CPQ: variants seen among roughly 807,000 people sequenced by gnomAD.
CPQ encodes the protein Ser-Met dipeptidase.
In CPQ, 37 loss-of-function variants were observed where a neutral mutation model predicts 45.7. The observed-to-expected ratio is 0.81, with a 90% confidence interval of 0.62 to 1.07. CPQ has a LOEUF of 1.07. CPQ is among the 50% of genes least tolerant of loss of function. CPQ has a pLI of 0.00. For missense variants in CPQ, 537 were observed against 572.9 expected (o/e 0.94, Z 0.64); for synonymous variants, 186 against 205.8 (o/e 0.90, Z 0.82).
At chr8:96,814,501 G>C (rs1309271727) in intron 2 of CPQ, among the ~76,000 whole-genome samples, 1 of 152,146 alleles carries the variant, frequency 6.6e-6, no homozygotes, top group Non-Finnish European at 1.5e-5. Context: ...ATTTGCCTTG[G>C]AAAAATTTAT....
chr8:96,842,774 C>A (rs1446044217), intron 3 of CPQ, among the ~76,000 whole-genome samples: 1 of 152,196 alleles, frequency 6.6e-6, no homozygotes, highest in Non-Finnish European at 1.5e-5. Flanking sequence ...CTGGAGACTC[C>A]ATGCCTGTGT....
intron 1 of CPQ, among the ~76,000 whole-genome samples, chr8:96,771,108 T>C (rs967000728): frequency 6.8e-6 from 1 of 146,266 alleles, no homozygotes; most frequent in African/African-American, 2.5e-5. Context: ...TATATAAATA[T>C]ATATATTTAT....
chr8:96,963,491 G>C (rs571937262), intron 4 of CPQ, among the ~76,000 whole-genome samples: 1 of 152,306 alleles, frequency 6.6e-6, no homozygotes, highest in South Asian at 2.1e-4. Context: ...ATGTAAGTCA[G>C]TGGGAGATCG....
At chr8:96,819,208 T>G (rs1381310198) in intron 2 of CPQ, among the ~76,000 whole-genome samples, 1 of 106,954 alleles carries the variant, frequency 9.3e-6, no homozygotes, top group Non-Finnish European at 2.2e-5. Context: ...GGGGCTAATA[T>G]GAGGGAGCTT....
intron 1 of CPQ, among the ~76,000 whole-genome samples, chr8:96,687,193 CTCTTCTTTTCTTTTTTTCT>C (rs1809243086): frequency 6.6e-6 from 1 of 150,952 alleles, no homozygotes; most frequent in Non-Finnish European, 1.5e-5. Flanking sequence ...CTCTTCTCTT[CTCTTCTTTTCTTTTTTTCT>C]TTTTCTTTTT....
intron 1 of CPQ, among the ~76,000 whole-genome samples, chr8:96,777,230 G>C (rs1810616077): frequency 1.3e-5 from 2 of 152,240 alleles, no homozygotes; most frequent in Admixed American, 1.3e-4. Flanking sequence ...AAAATGACAA[G>C]TAGGTAGATG....
intron 3 of CPQ, among the ~76,000 whole-genome samples, chr8:96,854,136 G>A (rs1406240913): frequency 6.6e-6 from 1 of 152,142 alleles, no homozygotes; most frequent in Admixed American, 6.5e-5. Context: ...ACAAGAAAAC[G>A]GAAGTGTAAC....
At chr8:96,786,982 C>CT (rs903119935) in intron 2 of CPQ, among the ~76,000 whole-genome samples, 10 of 150,340 alleles carry the variant, frequency 6.7e-5, no homozygotes, top group South Asian at 4.2e-4. Flanking sequence ...ACTGTCTTTT[C>CT]TTTTTTTTTG....
Position 96,745,919 on chromosome 8 carries a change from C to T in CPQ, c.-34-38945C>T, listed in dbSNP as rs75180821. On this transcript the variant is annotated intron_variant, in intron 1 of 7. Coordinates refer to ENST00000220763, the MANE Select transcript of CPQ (RefSeq NM_016134.4). ...GTGGGAAGTTGTACTTTAGAACAGA[C>T]GCTTGGATTAGATGGTCATTAATTA... Among the ~76,000 whole-genome samples the T allele has an allele frequency of 3.9e-3, 593 of 152,258 alleles. 6 individuals are homozygous for T. The highest frequency in any genetic ancestry group is 0.038 in the East Asian group (195 of 5,178).
chr8:97,084,865 G>A (rs953650848), intron 7 of CPQ, among the ~76,000 whole-genome samples: 7 of 151,358 alleles, frequency 4.6e-5, no homozygotes, highest in African/African-American at 1.7e-4. Context: ...CACCAAAGAA[G>A]AACCACACCA....
intron 7 of CPQ, among the ~76,000 whole-genome samples, chr8:97,074,164 A>G (rs1563573232): frequency 6.6e-6 from 1 of 152,202 alleles, no homozygotes; most frequent in African/African-American, 2.4e-5. Context: ...TAAAGCACAC[A>G]CTTTAACTTT....
Position 96,937,448 on chromosome 8 carries a change from G to A in CPQ, c.850-28487G>A, listed in dbSNP as rs141101847. 7.4e-3 allele frequency among the ~76,000 whole-genome samples: 1,120 copies of A among 152,242 alleles called. 13 individuals are homozygous for A. Among genetic ancestry groups the A allele is most frequent in the African/African-American group, 0.025 (1,055 of 41,546 alleles). ...GAGTCCAGTCCAGTAGTCATAGCAT[G>A]GTAGCCAAAGGATTTTGCCTTGAGT... On this transcript the variant is annotated intron_variant, in intron 4 of 7. Transcript: ENST00000220763.
chr8:96,723,666 G>A (rs181540336), intron 1 of CPQ, among the ~76,000 whole-genome samples: 19 of 152,198 alleles, frequency 1.2e-4, no homozygotes, highest in Non-Finnish European at 2.5e-4. Context: ...ATTTCGAGCT[G>A]TAGAACCACA....
chr8:96,698,018 G>A (rs1214310665), intron 1 of CPQ, among the ~76,000 whole-genome samples: 1 of 151,864 alleles, frequency 6.6e-6, no homozygotes, highest in African/African-American at 2.4e-5. Context: ...AAATTAATAT[G>A]GAACCACTAA....
chr8:97,122,967 AAAATAAAATAAAATT>A (rs1563586869), intron 7 of CPQ, among the ~76,000 whole-genome samples: 36 of 72,760 alleles, frequency 4.9e-4, no homozygotes, highest in Non-Finnish European at 5.7e-4. Context: ...AAAATAAAAT[AAAATAAAATAAAATT>A]AAAATAAAAT....
chr8:97,025,075 T>C (rs1809774674), intron 5 of CPQ, among the ~76,000 whole-genome samples: 1 of 152,242 alleles, frequency 6.6e-6, no homozygotes, highest in South Asian at 2.1e-4. Flanking sequence ...TCTACAAAGC[T>C]GGATTAATCT....
rs6992561 is a variant in CPQ at position 97,061,094 on chromosome 8, A to T, written c.1054-4915A>T. 8.4e-3 allele frequency among the ~76,000 whole-genome samples: 1,277 copies of T among 152,292 alleles called. 16 individuals carry two copies. Among genetic ancestry groups the T allele is most frequent in the African/African-American group, 0.029 (1,193 of 41,554 alleles). On this transcript the variant is annotated intron_variant, in intron 6 of 7. Coordinates refer to ENST00000220763, the MANE Select transcript of CPQ (RefSeq NM_016134.4). Reference sequence around the variant, plus strand: ...AATAAAACGCTGCCATCATGTAAGCAGCAACTTAAAAAGTTCTACACGAAT... The same window carrying T: ...AATAAAACGCTGCCATCATGTAAGCTGCAACTTAAAAAGTTCTACACGAAT...
chr8:96,719,708 A>G (rs964642086), intron 1 of CPQ, among the ~76,000 whole-genome samples: 2 of 152,308 alleles, frequency 1.3e-5, no homozygotes, highest in South Asian at 2.1e-4. Context: ...CCTGTGAGGT[A>G]GGATCAGGAA....
chr8:96,674,916 A>G (rs773872536), intron 1 of CPQ, among the ~76,000 whole-genome samples: 3 of 152,084 alleles, frequency 2.0e-5, no homozygotes, highest in Non-Finnish European at 4.4e-5. Context: ...CAGACAGACC[A>G]TAATCACAAT....
Sources: gnomAD v4.1 joint callset for allele counts (sites outside exome capture counted in the v4.1 genomes callset) on GRCh38, gnomAD v4.1.1 for gene constraint, MANE v1.5 for transcripts, NCBI Gene and HGNC (gene_info 2026-07-23, HGNC 2026-07-21) for gene names.